DCDC2: variants seen among roughly 807,000 people sequenced by gnomAD.
DCDC2 encodes doublecortin domain containing 2, also known as doublecortin domain-containing protein 2.
DCDC2 carries 40 observed loss-of-function variants against 50.2 expected under a neutral mutation model. The ratio of observed to expected loss-of-function variants is 0.80; its 90% CI spans 0.62 to 1.04. The LOEUF (loss-of-function observed/expected upper bound fraction) is 1.04, where lower values mean the gene tolerates loss of function less well. Ranked by LOEUF, DCDC2 falls within the 50% of genes least tolerant of loss-of-function variation. DCDC2 has a pLI of 0.00. For synonymous variants in DCDC2, 234 were observed against 210.6 expected, an observed-to-expected ratio of 1.11 and a Z score of -0.96; for missense variants, 570 against 581.9, an observed-to-expected ratio of 0.98 and a Z score of 0.21.
At chr6:24,226,237 A>G (rs1049702988) in intron 7 of DCDC2, among the ~76,000 whole-genome samples, 9 of 152,236 alleles carry the variant, frequency 5.9e-5, no homozygotes, top group Non-Finnish European at 1.3e-4. Context: ...CAAAAGACAC[A>G]GTCCCTGGCC....
intron 1 of DCDC2, among the ~76,000 whole-genome samples, chr6:24,356,125 AAT>A (rs1362249486): frequency 3.9e-5 from 6 of 152,222 alleles, no homozygotes; most frequent in African/African-American, 1.4e-4. Context: ...CATTATTCAT[AAT>A]AGTTAAAATG....
intron 8 of DCDC2, among the ~76,000 whole-genome samples, chr6:24,188,857 T>TA (rs1169615881): frequency 2.0e-5 from 3 of 152,158 alleles, no homozygotes; most frequent in Non-Finnish European, 2.9e-5. Context: ...AGAAGTCATT[T>TA]AAACCTAGAT....
chr6:24,264,309 A>C (rs192642616), intron 7 of DCDC2, among the ~76,000 whole-genome samples: 1 of 152,322 alleles, frequency 6.6e-6, no homozygotes, highest in East Asian at 1.9e-4. Context: ...ATTCACTGGT[A>C]ATAGTAAGTA....
intron 7 of DCDC2, among the ~76,000 whole-genome samples, chr6:24,250,731 AC>A (rs1427051447): frequency 2.8e-4 from 42 of 150,388 alleles, no homozygotes; most frequent in Admixed American, 1.1e-3. Flanking sequence ...CCTTACACCT[AC>A]CCTATTAATT....
chr6:24,204,985 T>G lies in DCDC2; in HGVS notation c.1023+17A>C, dbSNP rs1364036439. The stretch of plus-strand genomic sequence containing the variant: ...CTATAATTGTCTTACACATATTTTT[T>G]AAGGCATGGAGATTACCTGATCGAC... On this transcript the variant is annotated intron_variant, in intron 8 of 9. Transcript: ENST00000378454. 1 of 1,601,860 alleles carries G rather than the reference T, an allele frequency of 6.2e-7. No individual in the cohort carries two copies. Among genetic ancestry groups the G allele is most frequent in the Non-Finnish European group, 8.5e-7 (1 of 1,174,140 alleles).
intron 7 of DCDC2, among the ~76,000 whole-genome samples, chr6:24,234,592 A>G (rs1015710396): frequency 6.6e-6 from 1 of 152,246 alleles, no homozygotes; most frequent in Non-Finnish European, 1.5e-5. Context: ...AAATCAGAGA[A>G]GTTTCCAAAT....
At chr6:24,215,732 C>G (rs1761958815) in intron 7 of DCDC2, among the ~76,000 whole-genome samples, 1 of 152,130 alleles carries the variant, frequency 6.6e-6, no homozygotes, top group South Asian at 2.1e-4. Flanking sequence ...TCAGGACGCT[C>G]CGAAGCATAG....
intron 2 of DCDC2, among the ~76,000 whole-genome samples, chr6:24,340,206 C>T (rs1039583186): frequency 1.3e-5 from 2 of 152,154 alleles, no homozygotes; most frequent in African/African-American, 4.8e-5. Context: ...GGTGAACATA[C>T]TCATTCCCTT....
At chr6:24,251,960 G>A (rs952970499) in intron 7 of DCDC2, among the ~76,000 whole-genome samples, 2 of 152,156 alleles carry the variant, frequency 1.3e-5, no homozygotes, top group African/African-American at 4.8e-5. Flanking sequence ...GCAGAATGCT[G>A]TCTAAATGTA....
chr6:24,175,450 C>A (rs997970307), intron 9 of DCDC2, among the ~76,000 whole-genome samples: 2 of 152,142 alleles, frequency 1.3e-5, no homozygotes, highest in Non-Finnish European at 2.9e-5. Flanking sequence ...AGCAGGTTTG[C>A]AAAGTCTGCT....
intron 2 of DCDC2, among the ~76,000 whole-genome samples, chr6:24,320,112 A>G (rs891469591): frequency 1.3e-5 from 2 of 152,222 alleles, no homozygotes; most frequent in African/African-American, 2.4e-5. Context: ...AATGCTTCTC[A>G]TAAGAGTATA....
chr6:24,293,484 C>A (rs1406651393), intron 4 of DCDC2, among the ~76,000 whole-genome samples: 1 of 152,126 alleles, frequency 6.6e-6, no homozygotes, highest in East Asian at 1.9e-4. Context: ...TTAAGAATTT[C>A]ACCTATCCTA....
intron 2 of DCDC2, among the ~76,000 whole-genome samples, chr6:24,315,980 C>A (rs1342337824): frequency 6.6e-6 from 1 of 152,142 alleles, no homozygotes; most frequent in Admixed American, 6.6e-5. Flanking sequence ...TACATGTTTG[C>A]AGTAGAAGCT....
intron 2 of DCDC2, among the ~76,000 whole-genome samples, chr6:24,336,893 T>G (rs1209239472): frequency 2.0e-5 from 3 of 152,162 alleles, no homozygotes; most frequent in Non-Finnish European, 4.4e-5. Context: ...GCTAAACACA[T>G]ACCTATATGT....
intron 7 of DCDC2, among the ~76,000 whole-genome samples, chr6:24,260,951 A>G (rs969351224): frequency 6.6e-6 from 1 of 152,198 alleles, no homozygotes; most frequent in Non-Finnish European, 1.5e-5. Context: ...TGTGGGGTAA[A>G]TGACAGAATT....
At chr6:24,315,735 T>G (rs900660920) in intron 2 of DCDC2, among the ~76,000 whole-genome samples, 7 of 152,110 alleles carry the variant, frequency 4.6e-5, no homozygotes, top group African/African-American at 1.7e-4. Flanking sequence ...GCGGGCACAA[T>G]GCAGGGCCTC....
intron 7 of DCDC2, among the ~76,000 whole-genome samples, chr6:24,255,973 A>G (rs756246634): frequency 1.3e-5 from 2 of 152,198 alleles, no homozygotes; most frequent in Non-Finnish European, 2.9e-5. Context: ...TCAAGCCCCA[A>G]ACTGGAAACA....
At chr6:24,308,325 A>C (rs187151621) in intron 2 of DCDC2, among the ~76,000 whole-genome samples, 1 of 152,340 alleles carries the variant, frequency 6.6e-6, no homozygotes, top group East Asian at 1.9e-4. Flanking sequence ...TTTCACCCTC[A>C]AAGTGTTTGA....
At chr6:24,231,270 C>T (rs1762331258) in intron 7 of DCDC2, among the ~76,000 whole-genome samples, 1 of 152,178 alleles carries the variant, frequency 6.6e-6, no homozygotes, top group Non-Finnish European at 1.5e-5. Context: ...GAGCAAAGAT[C>T]TTGCCTGACC....
Sources: gnomAD v4.1 joint callset for allele counts (sites outside exome capture counted in the v4.1 genomes callset) on GRCh38, gnomAD v4.1.1 for gene constraint, MANE v1.5 for transcripts, NCBI Gene and HGNC (gene_info 2026-07-23, HGNC 2026-07-21) for gene names.